The following SDC1 variants were observed in gnomAD, a reference collection of about 807,000 sequenced individuals.
SDC1 encodes syndecan 1, also known as syndecan-1.
In SDC1, 14 loss-of-function variants were observed where a neutral mutation model predicts 29.7. The ratio of observed to expected loss-of-function variants is 0.47; its 90% CI spans 0.31 to 0.74. The LOEUF is 0.74. Ranked by LOEUF, SDC1 falls within the 30% of genes least tolerant of loss-of-function variation. The pLI, the probability that SDC1 is intolerant of heterozygous loss-of-function variation, is 0.05. For missense variants in SDC1, 406 were observed against 400.3 expected (o/e 1.01, Z -0.12); for synonymous variants, 204 against 175.5 (o/e 1.16, Z -1.29).
intron 1 of SDC1, chr2:20,208,003 T>C: frequency 1.0e-6 from 1 of 985,266 alleles, no homozygotes; most frequent in Non-Finnish European, 1.2e-6. Context: ...AAGAGAAAGC[T>C]CAAGATGGGG....
At chr2:20,219,549 T>C (rs1258349324) in intron 1 of SDC1, among the ~76,000 whole-genome samples, 1 of 152,158 alleles carries the variant, frequency 6.6e-6, no homozygotes, top group African/African-American at 2.4e-5. Context: ...ACATCAGCCT[T>C]CCCCTGGAGC....
In SDC1 at chr2:20,224,950, C is replaced by T; in HGVS notation, c.-83G>A. The T allele has an allele frequency of 1.7e-6, 2 of 1,193,276 alleles. No homozygotes were observed. The highest frequency in any genetic ancestry group is 2.1e-6 in the Non-Finnish European group (2 of 963,184). 73.9% of individuals were successfully genotyped at this position (1,193,276 alleles called of 1,614,324 possible). ...GCTTCGCGGGTTCCGCTGCTCGATG[C>T]TCTCTTGGGCGCCTGCCCAGCGCGC... On this transcript the variant is annotated 5_prime_UTR_variant, in exon 1 of 5. Coordinates refer to ENST00000254351, the MANE Select transcript of SDC1 (RefSeq NM_002997.5). This position sits in a 1 kb window ranked among gnomAD's most constrained non-coding sequence, Gnocchi z 4.9.
chr2:20,222,991 G>A (rs886503970), intron 1 of SDC1, among the ~76,000 whole-genome samples: 1 of 152,136 alleles, frequency 6.6e-6, no homozygotes, highest in Non-Finnish European at 1.5e-5. Flanking sequence ...TCCAAACTCG[G>A]AGCGAAGACT....
rs962025606 is a variant in SDC1 at position 20,203,147 on chromosome 2, C to G, written c.703G>C (p.Val235Leu). Residue 235 changes from valine to leucine, a missense_variant, in exon 4 of 5, where the codon GTG (valine) becomes CTG (leucine). Coordinates refer to ENST00000254351, the MANE Select transcript of SDC1 (RefSeq NM_002997.5). Reference protein sequence around the residue: ...VEPDRRNQSPVDQGATGASQG... With the variant: ...VEPDRRNQSPLDQGATGASQG... ...GAGGCCCCCGTGGCCCCCTGATCCA[C>G]TGGGGACTGGTTCCGGCGGTCAGGC... 6.2e-7 allele frequency: 1 copy of G among 1,613,166 alleles called. No individual in the cohort carries two copies. The highest frequency in any genetic ancestry group is 1.3e-5 in the African/African-American group (1 of 74,930).
At chr2:20,223,622 G>A (rs954148653) in intron 1 of SDC1, among the ~76,000 whole-genome samples, 2 of 152,174 alleles carry the variant, frequency 1.3e-5, no homozygotes, top group Non-Finnish European at 2.9e-5. Flanking sequence ...AGGCGAACTC[G>A]GGCGGCAGAC....
chr2:20,216,778 G>A (rs1211423539), intron 1 of SDC1, among the ~76,000 whole-genome samples: 2 of 152,066 alleles, frequency 1.3e-5, no homozygotes, highest in Non-Finnish European at 2.9e-5. Context: ...CGAGCTCCTC[G>A]GCCCTCCAGA....
At chr2:20,216,858 G>T (rs1182297431) in intron 1 of SDC1, among the ~76,000 whole-genome samples, 1 of 152,202 alleles carries the variant, frequency 6.6e-6, no homozygotes, top group Admixed American at 6.5e-5. Flanking sequence ...CCCAGGCCAG[G>T]CGCCAGAGTT....
intron 2 of SDC1, 34 bp from the exon 3 acceptor site, chr2:20,204,325 TG>T (rs1558431351): frequency 7.0e-6 from 3 of 430,076 alleles, no homozygotes; most frequent in Admixed American, 5.3e-5. Context: ...GTTGGGGAGG[TG>T]GGGGGTGGGG....
At chr2:20,220,689 G>A (rs1214987646) in intron 1 of SDC1, among the ~76,000 whole-genome samples, 2 of 152,210 alleles carry the variant, frequency 1.3e-5, no homozygotes, top group Non-Finnish European at 2.9e-5. Flanking sequence ...CCGCTTTACA[G>A]ATGAGGACAA....
At chr2:20,204,328 G>A (rs769807062) in intron 2 of SDC1, 37 bp from the exon 3 acceptor site, 5 of 1,439,598 alleles carry the variant, frequency 3.5e-6, no homozygotes, top group South Asian at 1.2e-5. Flanking sequence ...GGGGAGGTGG[G>A]GGGTGGGGAG....
chr2:20,203,135 C>T lies in SDC1; in HGVS notation c.715G>A (p.Ala239Thr), dbSNP rs768939390. The T allele has an allele frequency of 8.7e-6, 14 of 1,611,984 alleles. No homozygotes were observed. The highest frequency in any genetic ancestry group is 1.1e-5 in the Non-Finnish European group (13 of 1,178,572). The change falls in exon 4 of 5, where the codon GCC (alanine) becomes ACC (threonine). Residue 239 changes from alanine to threonine, a missense_variant. Ala to Thr is a moderately conservative substitution (Grantham distance 58, BLOSUM62 0). Transcript: ENST00000254351. The stretch of plus-strand genomic sequence containing the variant: ...AGGAGGCCCTGTGAGGCCCCCGTGG[C>T]CCCCTGATCCACTGGGGACTGGTTC... ...RRNQSPVDQG[A>T]TGASQGLLDR...
intron 1 of SDC1, among the ~76,000 whole-genome samples, chr2:20,206,280 G>C (rs1047128586): frequency 6.6e-6 from 1 of 152,220 alleles, no homozygotes; most frequent in Non-Finnish European, 1.5e-5. Context: ...AATGCTGCCC[G>C]CCTGCCCAGC....
At chr2:20,223,730 A>T (rs895341251) in intron 1 of SDC1, among the ~76,000 whole-genome samples, 4 of 152,170 alleles carry the variant, frequency 2.6e-5, no homozygotes, top group Non-Finnish European at 4.4e-5. Context: ...AAAGGGTTAC[A>T]GGGGCCGAGA....
rs1272792159 is a variant in SDC1, at chr2:20,224,071, G to T, written c.66+731C>A. On this transcript the variant is annotated intron_variant, in intron 1 of 4. Transcript: ENST00000254351. The surrounding 1 kb of genome is among the most constrained non-coding windows in gnomAD (Gnocchi z 4.9). ...CCTGCGCCTCGGCCGTGCCCGGCACGGGAACGCGCCCTCCGGGGCCAGCTC... is the reference window on the plus strand; with the variant it reads ...CCTGCGCCTCGGCCGTGCCCGGCACTGGAACGCGCCCTCCGGGGCCAGCTC... 2 of 305,752 alleles carry T rather than the reference G, an allele frequency of 6.5e-6. No homozygotes were observed. The highest frequency in any genetic ancestry group is 2.2e-5 in the South Asian group (1 of 45,658). The allele number at this position is 305,752 out of a possible 1,614,324, so 18.9% of individuals were successfully genotyped here.
chr2:20,213,358 C>T (rs572042357), intron 1 of SDC1, among the ~76,000 whole-genome samples: 3 of 152,348 alleles, frequency 2.0e-5, no homozygotes, highest in East Asian at 3.9e-4. Flanking sequence ...AACCCAGGCC[C>T]TGCAGCCTCA....
At position 20,203,859 on chromosome 2, in the gene SDC1, T is replaced by C. The variant is rs1204304567; in HGVS notation, c.581A>G (p.Asp194Gly). The change falls in exon 3 of 5, where the codon GAT becomes GGT. Residue 194 changes from aspartate to glycine, a missense_variant. Transcript: ENST00000254351. The part of the protein sequence containing the change: ...GPSATERAAE[D>G]GASSQLPAAE... Reference sequence around the variant, plus strand: ...TGCTGGGAGCTGACTGGAGGCTCCATCCTCAGCAGCCCTCTCGGTGGCAGA... The same window carrying C: ...TGCTGGGAGCTGACTGGAGGCTCCACCCTCAGCAGCCCTCTCGGTGGCAGA... The C allele has an allele frequency of 3.1e-6, 5 of 1,608,538 alleles. No homozygotes were observed. The highest frequency in any genetic ancestry group is 4.2e-6 in the Non-Finnish European group (5 of 1,178,426).
chr2:20,212,391 GAC>G (rs1677491586), intron 1 of SDC1, among the ~76,000 whole-genome samples: 2 of 152,126 alleles, frequency 1.3e-5, no homozygotes, highest in African/African-American at 4.8e-5. Context: ...CAGGCCAGGA[GAC>G]ACTGGGCTCC....
chr2:20,208,146 G>A (rs1677340921), intron 1 of SDC1: 2 of 984,532 alleles, frequency 2.0e-6, no homozygotes, highest in Admixed American at 6.1e-5. Flanking sequence ...GAAGCCCACA[G>A]GGAAGACACA....
intron 1 of SDC1, among the ~76,000 whole-genome samples, chr2:20,211,532 A>G (rs770689337): frequency 2.6e-5 from 4 of 152,256 alleles, no homozygotes; most frequent in Non-Finnish European, 5.9e-5. Flanking sequence ...AACATCCAGA[A>G]GCACCTACAT....
Sources: gnomAD v4.1 joint callset for allele counts (sites outside exome capture counted in the v4.1 genomes callset) on GRCh38, gnomAD v4.1.1 for gene constraint, Gnocchi (gnomAD v3.1) non-coding constraint, MANE v1.5 for transcripts, NCBI Gene and HGNC (gene_info 2026-07-23, HGNC 2026-07-21) for gene names.